Variants in MCM9 observed in about 807,000 individuals in gnomAD.
The protein encoded by MCM9 is minichromosome maintenance 9 homologous recombination repair factor.
Under a neutral mutation model 72.8 loss-of-function variants are expected in MCM9, and 55 were observed. The observed-to-expected ratio is 0.76, with a 90% CI of 0.61 to 0.95. MCM9 has a LOEUF of 0.95. Among genes scored for constraint, MCM9 ranks in the 40% least tolerant of loss-of-function variants. The probability of loss-of-function intolerance (pLI) is 0.00; values close to 1 mark genes in which losing one functional copy is unlikely to be tolerated. For missense variants in MCM9, 1,279 were observed against 1,377.0 expected (o/e 0.93, Z 1.13); for synonymous variants, 480 against 503.4 (o/e 0.95, Z 0.62).
At chr6:118,930,673 C>G (rs1782346811) in intron 3 of MCM9, among the ~76,000 whole-genome samples, 1 of 152,116 alleles carries the variant, frequency 6.6e-6, no homozygotes, top group Non-Finnish European at 1.5e-5. Context: ...ACTAAGTCTC[C>G]CAGGTTAGGC....
chr6:118,928,464 T>C (rs1201627207), intron 3 of MCM9, among the ~76,000 whole-genome samples: 2 of 152,112 alleles, frequency 1.3e-5, no homozygotes, highest in Non-Finnish European at 2.9e-5. Context: ...GAGTCACAAC[T>C]CTGTCACTTA....
Position 118,872,487 on chromosome 6 carries a change from C to G in MCM9, c.1151-15942G>C, listed in dbSNP as rs188437658. Among the ~76,000 whole-genome samples, 1,413 of 152,180 alleles carry G rather than the reference C, an allele frequency of 9.3e-3. 25 individuals are homozygous for G. The highest frequency in any genetic ancestry group is 0.051 in the Middle Eastern group (15 of 294). ...AAAAACATGACTTGATGGCACACAC[C>G]TGTAATCTCAGCTACTCAGGAGGCT... On this transcript the variant is annotated intron_variant, in intron 8 of 13. Transcript: ENST00000619706.
In MCM9 at chr6:118,815,643, T is replaced by A. The variant is rs923050723; in HGVS notation, c.2613A>T (p.Thr871=). ...RNSTRVPAQC[T]VPSHPQSTPV... ...GAGTGGACTGAGGATGGGAAGGGAC[T>A]GTGCACTGTGCAGGCACCCTGGTGC... Residue 871 remains threonine, a synonymous_variant, in exon 14 of 14, where the codon ACA becomes ACT. Transcript: ENST00000619706. The A allele has an allele frequency of 1.3e-6, 2 of 1,550,390 alleles. No individual in the cohort carries two copies. Among genetic ancestry groups the A allele is most frequent in the African/African-American group, 2.7e-5 (2 of 73,162 alleles).
chr6:118,903,133 AGAACCAATTTACTGAAGG>A (rs1239946368), intron 8 of MCM9, among the ~76,000 whole-genome samples: 30 of 152,254 alleles, frequency 2.0e-4, no homozygotes, highest in Admixed American at 1.4e-3. Context: ...AAACATGCCT[AGAACCAATTTACTGAAGG>A]GAACCAATTT....
chr6:118,879,732 TA>T (rs568419067), intron 8 of MCM9, among the ~76,000 whole-genome samples: 6,646 of 140,246 alleles, frequency 0.047, 443 homozygotes, highest in African/African-American at 0.15. Context: ...GACATCAAAT[TA>T]AAAAAAAAAA....
intron 13 of MCM9, 53 bp from the exon 14 acceptor site, chr6:118,816,347 C>T: frequency 7.1e-7 from 1 of 1,409,592 alleles, no homozygotes; most frequent in Non-Finnish European, 9.4e-7. Flanking sequence ...AGAATTTGTG[C>T]TAACCTATTC....
intron 9 of MCM9, among the ~76,000 whole-genome samples, chr6:118,831,564 G>C (rs927245342): frequency 6.6e-6 from 1 of 152,066 alleles, no homozygotes; most frequent in East Asian, 1.9e-4. Context: ...CTGGGCATTT[G>C]AAAGTGGGGA....
At chr6:118,871,774 T>C (rs1562418165) in intron 8 of MCM9, among the ~76,000 whole-genome samples, 1 of 151,306 alleles carries the variant, frequency 6.6e-6, no homozygotes, top group Non-Finnish European at 1.5e-5. Context: ...AGGTGTGGTG[T>C]TGGGCCCCTG....
At chr6:118,900,176 C>T (rs1779711648) in intron 8 of MCM9, among the ~76,000 whole-genome samples, 1 of 152,068 alleles carries the variant, frequency 6.6e-6, no homozygotes, top group African/African-American at 2.4e-5. Context: ...AGGGGGGTGC[C>T]GTAAGGGAAA....
At chr6:118,864,012 A>G (rs1324945906) in intron 8 of MCM9, among the ~76,000 whole-genome samples, 3 of 152,078 alleles carry the variant, frequency 2.0e-5, no homozygotes, top group Non-Finnish European at 4.4e-5. Flanking sequence ...TGATTTAAAA[A>G]AAAAAAAAGA....
intron 5 of MCM9, chr6:118,918,543 A>G (rs1432400795): frequency 6.6e-6 from 1 of 152,174 alleles, no homozygotes; most frequent in Non-Finnish European, 1.5e-5. Flanking sequence ...TACGACATAC[A>G]ATGCAATGCA....
chr6:118,864,599 G>A (rs1288654829), intron 8 of MCM9, among the ~76,000 whole-genome samples: 3 of 152,012 alleles, frequency 2.0e-5, no homozygotes, highest in Non-Finnish European at 4.4e-5. Flanking sequence ...GAAAAGCTGA[G>A]GCATAGGACC....
At chr6:118,844,867 T>C (rs1775749416) in intron 9 of MCM9, among the ~76,000 whole-genome samples, 1 of 151,898 alleles carries the variant, frequency 6.6e-6, no homozygotes, top group Non-Finnish European at 1.5e-5. Flanking sequence ...TGTTCTTTAG[T>C]ATATTTCTTA....
At chr6:118,932,139 T>TA (rs1370872659) in intron 2 of MCM9, among the ~76,000 whole-genome samples, 9 of 152,212 alleles carry the variant, frequency 5.9e-5, no homozygotes, top group Admixed American at 5.9e-4. Context: ...TTTCTATGCT[T>TA]AGATACATAG....
chr6:118,885,503 C>T (rs969884100), intron 8 of MCM9, among the ~76,000 whole-genome samples: 4 of 152,006 alleles, frequency 2.6e-5, no homozygotes, highest in East Asian at 3.9e-4. Context: ...ATTGACTTTA[C>T]AGAAGTCAAA....
At chr6:118,879,039 G>C (rs574966091) in intron 8 of MCM9, among the ~76,000 whole-genome samples, 1 of 148,996 alleles carries the variant, frequency 6.7e-6, no homozygotes, top group East Asian at 1.9e-4. Flanking sequence ...CTGGGCAACA[G>C]AGGAAGACCC....
intron 9 of MCM9, among the ~76,000 whole-genome samples, chr6:118,843,036 A>G (rs950095045): frequency 2.6e-5 from 4 of 152,230 alleles, no homozygotes; most frequent in Non-Finnish European, 5.9e-5. Context: ...CATAAGTCAC[A>G]TTTAGTAGGC....
chr6:118,915,681 A>G (rs1415979752), intron 6 of MCM9, among the ~76,000 whole-genome samples: 2 of 151,908 alleles, frequency 1.3e-5, no homozygotes, highest in Non-Finnish European at 2.9e-5. Flanking sequence ...TCCTCCCTCC[A>G]ACACACTCAC....
chr6:118,813,938 G>C lies in MCM9; in HGVS notation c.*886C>G, dbSNP rs1186520042. ...AGACAGGATCTCACTCTGTCACCCA[G>C]GCTGGAATACAGTGGTGTGACCACA... On this transcript the variant is annotated 3_prime_UTR_variant, in exon 14 of 14. Transcript: ENST00000619706. 6.6e-6 allele frequency: 1 copy of C among 152,132 alleles called. No homozygotes were observed. Among genetic ancestry groups the C allele is most frequent in the African/African-American group, 2.4e-5 (1 of 41,410 alleles). The allele number at this position is 152,132 out of a possible 1,614,324, so 9.4% of individuals were successfully genotyped here. A position where few individuals can be genotyped will look rare whatever the true frequency, so the allele number is the denominator to read the frequency against.
Sources: gnomAD v4.1 joint callset for allele counts (sites outside exome capture counted in the v4.1 genomes callset) on GRCh38, gnomAD v4.1.1 for gene constraint, MANE v1.5 for transcripts, NCBI Gene and HGNC (gene_info 2026-07-23, HGNC 2026-07-21) for gene names.